The following SPEF2 variants were observed in gnomAD, a reference collection of about 807,000 sequenced individuals.
SPEF2 encodes sperm flagella and cilia-associated protein 2.
A neutral mutation model predicts 224.6 loss-of-function variants in SPEF2; 187 were observed. The ratio of observed to expected loss-of-function variants is 0.83; its 90% confidence interval spans 0.74 to 0.94. The LOEUF is 0.94. SPEF2 is among the 40% of genes least tolerant of loss of function. The pLI is 0.00. For missense variants in SPEF2, 2,170 were observed against 2,135.6 expected (o/e 1.02, Z -0.32); for synonymous variants, 715 against 707.3 (o/e 1.01, Z -0.17).
intron 21 of SPEF2, among the ~76,000 whole-genome samples, chr5:35,728,801 A>T (rs1378336051): frequency 6.6e-6 from 1 of 152,140 alleles, no homozygotes; most frequent in African/African-American, 2.4e-5. Flanking sequence ...GAGAGCATTA[A>T]GTGATATAAT....
chr5:35,765,168 G>T (rs987069386), intron 26 of SPEF2, among the ~76,000 whole-genome samples: 1 of 152,066 alleles, frequency 6.6e-6, no homozygotes, highest in East Asian at 1.9e-4. Context: ...AAACACTGAT[G>T]TGTAGTTTTC....
chr5:35,618,802 A>C (rs957313621), intron 1 of SPEF2, among the ~76,000 whole-genome samples: 3 of 152,070 alleles, frequency 2.0e-5, no homozygotes. Flanking sequence ...AGACAATTTT[A>C]CATGCTGGCA....
rs562009698 is a variant in SPEF2 at position 35,622,017 on chromosome 5, G to A, written c.58+3962G>A. ...AGTTGTGAATTATTCTACTGTTAAGGCATATTCCTATTTTAAATAAGGTTA... is the reference window on the plus strand; with the variant it reads ...AGTTGTGAATTATTCTACTGTTAAGACATATTCCTATTTTAAATAAGGTTA... On this transcript the variant is annotated intron_variant, in intron 1 of 36. Transcript: ENST00000356031. 2.6e-5 allele frequency among the ~76,000 whole-genome samples: 4 copies of A among 152,092 alleles called. No homozygotes were observed. The South Asian group carries it at 8.3e-4, about 32-fold the overall frequency.
At chr5:35,672,801 T>C (rs905009536) in intron 10 of SPEF2, among the ~76,000 whole-genome samples, 3 of 152,204 alleles carry the variant, frequency 2.0e-5, no homozygotes, top group Non-Finnish European at 4.4e-5. Context: ...CCATACCCTA[T>C]ACCTTTAAAG....
chr5:35,643,410 T>A (rs1215602576), intron 3 of SPEF2: 2 of 449,680 alleles, frequency 4.4e-6, no homozygotes, highest in Admixed American at 2.4e-5. Flanking sequence ...GAGGGTAACA[T>A]AGATTATTCT....
At chr5:35,757,497 A>G (rs1750628953) in intron 24 of SPEF2, among the ~76,000 whole-genome samples, 1 of 152,130 alleles carries the variant, frequency 6.6e-6, no homozygotes, top group Non-Finnish European at 1.5e-5. Context: ...TAACCTCAAC[A>G]CACTTATTTT....
chr5:35,764,053 C>G (rs1751735553), intron 26 of SPEF2, among the ~76,000 whole-genome samples: 1 of 152,108 alleles, frequency 6.6e-6, no homozygotes, highest in Non-Finnish European at 1.5e-5. Context: ...GGGGCACATG[C>G]AATTGCCATT....
chr5:35,719,846 C>T (rs10069273), intron 20 of SPEF2, among the ~76,000 whole-genome samples: 6,993 of 152,156 alleles, frequency 0.046, 271 homozygotes, highest in African/African-American at 0.099. Context: ...GGTCTGGAAC[C>T]ACTGACCTCA....
At position 35,646,731 on chromosome 5, in the gene SPEF2, T is replaced by A. The variant is rs866696287; in HGVS notation, c.650T>A (p.Ile217Asn). 1 of 1,613,936 alleles carries A rather than the reference T, an allele frequency of 6.2e-7. No individual in the cohort carries two copies. Among genetic ancestry groups the A allele is most frequent in the African/African-American group, 1.3e-5 (1 of 75,040 alleles). Reference protein sequence around the residue: ...MAKIQAAIIQIPKPASNRTLK... With the variant: ...MAKIQAAIIQNPKPASNRTLK... The stretch of plus-strand genomic sequence containing the variant: ...AAAATCCAAGCAGCTATTATACAGA[T>A]TCCTAAACCTGCATCAAATCGTACT... The change falls in exon 5 of 37, where the codon ATT becomes AAT. Residue 217 changes from isoleucine (I) to asparagine (N), a missense_variant. Transcript: ENST00000356031.
chr5:35,680,269 T>C (rs1431883112), intron 10 of SPEF2, among the ~76,000 whole-genome samples: 1 of 152,172 alleles, frequency 6.6e-6, no homozygotes, highest in Non-Finnish European at 1.5e-5. Flanking sequence ...AATCATACGA[T>C]AGGTTGTTAC....
At chr5:35,710,908 A>C in intron 19 of SPEF2, 1 of 983,348 alleles carries the variant, frequency 1.0e-6, no homozygotes, top group Non-Finnish European at 1.2e-6. Context: ...CCTGATATTT[A>C]AGAATGTTTA....
At chr5:35,780,101 G>A (rs561547244) in intron 30 of SPEF2, among the ~76,000 whole-genome samples, 127 of 152,248 alleles carry the variant, frequency 8.3e-4, no homozygotes, top group Admixed American at 1.4e-3. Context: ...ATATCATTCA[G>A]AACTCTGCAG....
intron 24 of SPEF2, 118 bp downstream of exon 24, chr5:35,753,879 G>C (rs1476780578): frequency 1.4e-5 from 17 of 1,249,690 alleles, no homozygotes; most frequent in Non-Finnish European, 1.8e-5. Flanking sequence ...TTTTGGTATA[G>C]CACTATGCCT....
intron 21 of SPEF2, 33 bp from the exon 22 acceptor site, chr5:35,739,886 A>T (rs1747297871): frequency 3.7e-6 from 6 of 1,606,262 alleles, no homozygotes; most frequent in Non-Finnish European, 5.1e-6. Flanking sequence ...TTTCATTTTG[A>T]AGTAACAGTT....
chr5:35,705,755 G>A lies in SPEF2; in HGVS notation c.2612G>A (p.Cys871Tyr). 1 of 1,548,858 alleles carries A rather than the reference G, an allele frequency of 6.5e-7. No individual in the cohort carries two copies. The highest frequency in any genetic ancestry group is 1.2e-5 in the South Asian group (1 of 83,646). ...GCTGAAATAGATAAGGAATCTTTAT[G>A]TGAAAAAGTAAAAGAAATTCTTACG... ...INAEIDKESL[C>Y]EKVKEILTTE... The change falls in exon 18 of 37, where the codon TGT becomes TAT. Residue 871 changes from cysteine (C) to tyrosine (Y), a missense_variant. Physicochemically the swap from Cys to Tyr is radical, Grantham distance 194 (BLOSUM62 -2). Coordinates refer to ENST00000356031, the MANE Select transcript of SPEF2 (RefSeq NM_024867.4).
At position 35,795,737 on chromosome 5, in the gene SPEF2, A is replaced by G; in HGVS notation, c.4772A>G (p.Lys1591Arg). 6.2e-7 allele frequency: 1 copy of G among 1,614,040 alleles called. No individual in the cohort carries two copies. Among genetic ancestry groups the G allele is most frequent in the Non-Finnish European group, 8.5e-7 (1 of 1,179,910 alleles). ...TGGTTTACAGGAGATGAAGATATAAAAATTCCAGAAAATCCTCTTGAACCC... is the reference window on the plus strand; with the variant it reads ...TGGTTTACAGGAGATGAAGATATAAGAATTCCAGAAAATCCTCTTGAACCC... ...GLWFTGDEDI[K>R]IPENPLEPLP... The change falls in exon 33 of 37, where the codon AAA (lysine) becomes AGA (arginine). Residue 1591 changes from lysine to arginine, a missense_variant. By Grantham distance (26) the Lys-to-Arg change is conservative (BLOSUM62 2). Transcript: ENST00000356031.
At chr5:35,719,288 C>T (rs368668090) in intron 20 of SPEF2, among the ~76,000 whole-genome samples, 11 of 152,254 alleles carry the variant, frequency 7.2e-5, no homozygotes, top group South Asian at 4.1e-4. Flanking sequence ...GAGAATTTAA[C>T]GACAAATGTG....
At chr5:35,676,947 G>T (rs527433616) in intron 10 of SPEF2, among the ~76,000 whole-genome samples, 11 of 152,068 alleles carry the variant, frequency 7.2e-5, no homozygotes, top group Non-Finnish European at 1.5e-4. Flanking sequence ...CATATTATTT[G>T]GTACAGTGGG....
chr5:35,806,763 T>C lies in SPEF2; in HGVS notation c.5067T>C (p.Ala1689=), dbSNP rs1758114914. 2 of 1,613,858 alleles carry C rather than the reference T, an allele frequency of 1.2e-6. No individual in the cohort carries two copies. Among genetic ancestry groups the C allele is most frequent in the Non-Finnish European group, 1.7e-6 (2 of 1,179,986 alleles). The change falls in exon 35 of 37, where the codon GCT becomes GCC. Residue 1689 remains alanine (A), a synonymous_variant. Coordinates refer to ENST00000356031, the MANE Select transcript of SPEF2 (RefSeq NM_024867.4). ...AATTTCCTGAACCTGAGGAAAATGC[T>C]GCAAGAGAAGAAAGGAAATTAAAAG... is the stretch of plus-strand genomic sequence containing the variant. ...AEEFPEPEEN[A]AREERKLKDD... is the part of the protein sequence containing the mutation.
Sources: gnomAD v4.1 joint callset for allele counts (sites outside exome capture counted in the v4.1 genomes callset) on GRCh38, gnomAD v4.1.1 for gene constraint, MANE v1.5 for transcripts, NCBI Gene and HGNC (gene_info 2026-07-23, HGNC 2026-07-21) for gene names.